The following NEK11 variants were observed in gnomAD, a reference collection of about 807,000 sequenced individuals.
NEK11 encodes NIMA related kinase 11.
In NEK11, 72 loss-of-function variants were observed where a neutral mutation model predicts 80.7. The ratio of observed to expected loss-of-function variants is 0.89; its 90% CI spans 0.74 to 1.08. The LOEUF (loss-of-function observed/expected upper bound fraction) is 1.08. Ranked by LOEUF, NEK11 falls within the 50% of genes least tolerant of loss-of-function variation. The pLI is 0.00. For synonymous variants in NEK11, 251 were observed against 260.7 expected (o/e 0.96, Z 0.36); for missense variants, 764 against 763.6 (o/e 1.00, Z -0.01).
intron 17 of NEK11, among the ~76,000 whole-genome samples, chr3:131,321,844 T>C (rs1236455762): frequency 6.6e-6 from 1 of 152,144 alleles, no homozygotes; most frequent in Non-Finnish European, 1.5e-5. Context: ...AAACAACAGA[T>C]GCTAGTGAGG....
chr3:131,235,286 C>T (rs1461784436), intron 15 of NEK11, among the ~76,000 whole-genome samples: 2 of 152,116 alleles, frequency 1.3e-5, no homozygotes, highest in Non-Finnish European at 1.5e-5. Flanking sequence ...ACAATCTTCT[C>T]CCTCCACTAC....
intron 16 of NEK11, among the ~76,000 whole-genome samples, 154 bp downstream of exon 16, chr3:131,243,650 C>T (rs1191161873): frequency 2.0e-5 from 3 of 152,012 alleles, no homozygotes; most frequent in Admixed American, 2.0e-4. Flanking sequence ...GACCCAAAAG[C>T]CAGGAAACTC....
At chr3:131,335,762 C>T (rs1318640818) in intron 17 of NEK11, among the ~76,000 whole-genome samples, 1 of 152,190 alleles carries the variant, frequency 6.6e-6, no homozygotes, top group African/African-American at 2.4e-5. Flanking sequence ...TAAGCAACTT[C>T]AGCAAAGTCT....
At chr3:131,127,138 G>A (rs1170301347) in intron 5 of NEK11, among the ~76,000 whole-genome samples, 1 of 151,568 alleles carries the variant, frequency 6.6e-6, no homozygotes, top group Non-Finnish European at 1.5e-5. Flanking sequence ...GCTAATTTTT[G>A]TACTTTTAGC....
At chr3:131,248,668 A>T (rs1350702756) in intron 16 of NEK11, among the ~76,000 whole-genome samples, 1 of 152,090 alleles carries the variant, frequency 6.6e-6, no homozygotes, top group African/African-American at 2.4e-5. Context: ...CACAGTTCTC[A>T]GTCAGTTGTT....
chr3:131,203,427 T>G (rs1474799329), intron 14 of NEK11, among the ~76,000 whole-genome samples: 3 of 111,740 alleles, frequency 2.7e-5, no homozygotes, highest in Non-Finnish European at 5.4e-5. Context: ...TGGGGCCTGT[T>G]GTGGGGTGAG....
intron 4 of NEK11, among the ~76,000 whole-genome samples, chr3:131,091,303 T>G (rs2076694729): frequency 6.6e-6 from 1 of 152,220 alleles, no homozygotes; most frequent in African/African-American, 2.4e-5. Context: ...GCTATTTCCT[T>G]TGGACATTTC....
chr3:131,042,119 AG>A (rs1161949644), intron 3 of NEK11, among the ~76,000 whole-genome samples: 1 of 152,216 alleles, frequency 6.6e-6, no homozygotes, highest in Non-Finnish European at 1.5e-5. Context: ...AGATTCCATC[AG>A]GGGCCTACAC....
chr3:131,348,870 A>G (rs867437175), intron 17 of NEK11, among the ~76,000 whole-genome samples: 5 of 152,084 alleles, frequency 3.3e-5, no homozygotes, highest in Middle Eastern at 3.2e-3. Flanking sequence ...GTAAAGGTTA[A>G]GTGTGATTGA....
intron 17 of NEK11, among the ~76,000 whole-genome samples, chr3:131,309,023 C>G (rs2096750806): frequency 6.6e-6 from 1 of 152,206 alleles, no homozygotes; most frequent in African/African-American, 2.4e-5. Flanking sequence ...AGGCAGAGCT[C>G]AGGTGGTAAT....
chr3:131,297,049 T>C (rs1431715367), intron 17 of NEK11, among the ~76,000 whole-genome samples: 1 of 152,236 alleles, frequency 6.6e-6, no homozygotes, highest in Non-Finnish European at 1.5e-5. Flanking sequence ...ATTTTCTTAA[T>C]CCAGTCTATC....
intron 1 of NEK11, 196 bp downstream of exon 1, chr3:131,027,202 T>C (rs2063994774): frequency 6.6e-6 from 1 of 152,202 alleles, no homozygotes; most frequent in South Asian, 2.1e-4. Context: ...TTTGCCAAAA[T>C]GTAAATGTTT....
chr3:131,292,297 A>G (rs555994519), intron 17 of NEK11, among the ~76,000 whole-genome samples: 2 of 152,198 alleles, frequency 1.3e-5, no homozygotes, highest in Non-Finnish European at 2.9e-5. Context: ...TCTTTTGCCA[A>G]TACTACATTG....
chr3:131,189,170 A>G (rs770864742), intron 14 of NEK11, among the ~76,000 whole-genome samples: 9 of 152,158 alleles, frequency 5.9e-5, no homozygotes, highest in Non-Finnish European at 1.2e-4. Flanking sequence ...TTCCAGAAGG[A>G]ACCAACCCTG....
intron 4 of NEK11, among the ~76,000 whole-genome samples, chr3:131,091,445 CTGT>C (rs1203181865): frequency 1.3e-5 from 2 of 152,198 alleles, no homozygotes; most frequent in Non-Finnish European, 2.9e-5. Flanking sequence ...TTACCCACCT[CTGT>C]TGTTCTGCAT....
At chr3:131,239,218 G>C (rs1251774742) in intron 15 of NEK11, among the ~76,000 whole-genome samples, 1 of 152,144 alleles carries the variant, frequency 6.6e-6, no homozygotes, top group African/African-American at 2.4e-5. Flanking sequence ...GGCTCTGAGA[G>C]AAGAGGTGAC....
At chr3:131,298,788 C>T (rs6774342) in intron 17 of NEK11, among the ~76,000 whole-genome samples, 27,855 of 151,772 alleles carry the variant, frequency 0.18, 4,727 homozygotes, top group African/African-American at 0.44. Flanking sequence ...TATGGGTTGT[C>T]GTCTGACATC....
intron 5 of NEK11, among the ~76,000 whole-genome samples, chr3:131,120,389 T>G (rs1422804212): frequency 1.3e-5 from 2 of 152,218 alleles, no homozygotes; most frequent in African/African-American, 4.8e-5. Context: ...TAACCCGACC[T>G]TTCACTCTGG....
chr3:131,220,257 G>A (rs1580409432), intron 14 of NEK11, among the ~76,000 whole-genome samples: 1 of 151,904 alleles, frequency 6.6e-6, no homozygotes, highest in East Asian at 1.9e-4. Flanking sequence ...TATGTAAAAG[G>A]TAAAAAAAAA....
Sources: gnomAD v4.1 joint callset for allele counts (sites outside exome capture counted in the v4.1 genomes callset) on GRCh38, gnomAD v4.1.1 for gene constraint, MANE v1.5 for transcripts, NCBI Gene and HGNC (gene_info 2026-07-23, HGNC 2026-07-21) for gene names.